Variants in FAM184A observed in about 807,000 individuals in gnomAD.
FAM184A encodes the protein protein FAM184A.
Under a neutral mutation model 143.8 loss-of-function variants are expected in FAM184A, and 99 were observed. The ratio of observed to expected loss-of-function variants is 0.69; its 90% CI spans 0.58 to 0.81. The LOEUF is 0.81. FAM184A is among the 40% of genes least tolerant of loss of function. FAM184A has a pLI of 0.00. For synonymous variants in FAM184A, 427 were observed against 446.4 expected (o/e 0.96, Z 0.55); for missense variants, 1,217 against 1,310.5 (o/e 0.93, Z 1.10).
intron 1 of FAM184A, among the ~76,000 whole-genome samples, chr6:119,110,790 C>T (rs1788911563): frequency 6.6e-6 from 1 of 152,242 alleles, no homozygotes; most frequent in South Asian, 2.1e-4. Context: ...CACACAAATG[C>T]TTCCAGCATT....
intron 12 of FAM184A, 146 bp downstream of exon 12, chr6:118,975,771 T>C: frequency 1.2e-6 from 1 of 821,628 alleles, no homozygotes; most frequent in Non-Finnish European, 1.8e-6. Context: ...AATAAATAAA[T>C]AACTGAATCA....
At position 119,078,082 on chromosome 6, in the gene FAM184A, A is replaced by C; in HGVS notation, c.159+59T>G. On this transcript the variant is annotated intron_variant, in intron 1 of 17. Transcript: ENST00000338891. The surrounding 1 kb of genome is among the most constrained non-coding windows in gnomAD (Gnocchi z 5.5). ...AGGGCGCACTGCCTCCCGGGGAGAC[A>C]GGTGAGTCCGGCGCGGCCCGCACGG... 6.5e-7 allele frequency: 1 copy of C among 1,528,068 alleles called. No individual in the cohort carries two copies. Among genetic ancestry groups the C allele is most frequent in the East Asian group, 2.5e-5 (1 of 40,448 alleles). The allele number at this position is 1,528,068 out of a possible 1,614,324, so 94.7% of individuals were successfully genotyped here.
intron 1 of FAM184A, among the ~76,000 whole-genome samples, chr6:119,103,782 C>T (rs1271528735): frequency 2.0e-5 from 3 of 151,826 alleles, no homozygotes; most frequent in Non-Finnish European, 1.5e-5. Context: ...CAAAAATTAG[C>T]CAGGCATGGT....
At position 119,025,003 on chromosome 6, in the gene FAM184A, T is replaced by C. The variant is rs568178956; in HGVS notation, c.160-190A>G. Among the ~76,000 whole-genome samples, 13 of 152,370 alleles carry C rather than the reference T, an allele frequency of 8.5e-5. No homozygotes were observed. The South Asian group carries it at 2.7e-3, about 32-fold the overall frequency. The stretch of plus-strand genomic sequence containing the variant: ...TGATTTGCTTAGCAAATTTCTATCT[T>C]AGCACAGTCTTAAGATTTGTATTTA... On this transcript the variant is annotated intron_variant, in intron 1 of 17. Transcript: ENST00000338891.
Position 118,975,980 on chromosome 6 carries a change from A to G in FAM184A, c.2520T>C (p.His840=). ...AAAIDLLRHN[H]HQELAAAKME... is the part of the protein sequence containing the mutation. ...TTTTAGCAGCTGCCAATTCTTGATG[A>G]TGATTATGCCGTAACAAATCAATTG... The change falls in exon 12 of 18, where the codon CAT becomes CAC. Residue 840 remains histidine, a synonymous_variant. Transcript: ENST00000338891. 1 of 1,613,590 alleles carries G rather than the reference A, an allele frequency of 6.2e-7. No homozygotes were observed. Among genetic ancestry groups the G allele is most frequent in the Non-Finnish European group, 8.5e-7 (1 of 1,179,890 alleles).
chr6:119,069,633 G>A (rs938515893), intron 1 of FAM184A, among the ~76,000 whole-genome samples: 3 of 152,098 alleles, frequency 2.0e-5, no homozygotes, highest in Non-Finnish European at 4.4e-5. Context: ...AGCATTCATG[G>A]ATTTGGCCTA....
In FAM184A at chr6:119,035,795, C is replaced by T. The variant is rs150150325; in HGVS notation, c.160-10982G>A. On this transcript the variant is annotated intron_variant, in intron 1 of 17. Transcript: ENST00000338891. ...TCCACCTATGACCAGAAACCCCCACCCTGTCACCCTCCTTTCAAGTTGTCG... is the reference window on the plus strand; with the variant it reads ...TCCACCTATGACCAGAAACCCCCACTCTGTCACCCTCCTTTCAAGTTGTCG... Among the ~76,000 whole-genome samples, 216 of 152,246 alleles carry T rather than the reference C, an allele frequency of 1.4e-3. 1 individual carries two copies. Among genetic ancestry groups the T allele is most frequent in the Non-Finnish European group, 2.3e-3 (158 of 68,010 alleles).
At chr6:119,010,978 G>A (rs1368100553) in intron 6 of FAM184A, among the ~76,000 whole-genome samples, 1 of 152,056 alleles carries the variant, frequency 6.6e-6, no homozygotes, top group Non-Finnish European at 1.5e-5. Context: ...AGTTTCTGTT[G>A]AAATTGTAGA....
rs1785545861 is a variant in FAM184A, at chr6:119,024,023, C to T, written c.950G>A (p.Gly317Glu). The change falls in exon 2 of 18, where the codon GGA becomes GAA. Residue 317 changes from glycine to glutamate, a missense_variant. Gly to Glu is a moderately conservative substitution (Grantham distance 98). Coordinates refer to ENST00000338891, the MANE Select transcript of FAM184A (RefSeq NM_024581.6). ...CTTTTGGCATTTGTCAAGAAGACTT[C>T]CAGCTTCATCCTGTACCATCTGTAA... The part of the protein sequence containing the change: ...TELQMVQDEA[G>E]SLLDKCQKLQ... 2 of 1,611,518 alleles carry T rather than the reference C, an allele frequency of 1.2e-6. No individual in the cohort carries two copies. Among genetic ancestry groups the T allele is most frequent in the Admixed American group, 1.7e-5 (1 of 59,266 alleles).
chr6:119,087,089 C>T (rs1400222642), intron 1 of FAM184A, among the ~76,000 whole-genome samples: 5 of 152,078 alleles, frequency 3.3e-5, no homozygotes, highest in Non-Finnish European at 7.4e-5. Flanking sequence ...TTTTTTAGGC[C>T]TTCCCAAATT....
chr6:119,019,894 C>G, intron 4 of FAM184A, 84 bp downstream of exon 4: 1 of 1,260,514 alleles, frequency 7.9e-7, no homozygotes, highest in East Asian at 2.5e-5. Flanking sequence ...TGGGGAGTAG[C>G]AAGAAATACT....
At chr6:119,042,013 A>C (rs1051816210) in intron 1 of FAM184A, among the ~76,000 whole-genome samples, 8 of 152,128 alleles carry the variant, frequency 5.3e-5, no homozygotes, top group Non-Finnish European at 1.0e-4. Flanking sequence ...CCATCTTGGG[A>C]GCTCTGGGAA....
chr6:119,077,297 A>T (rs190861966), intron 1 of FAM184A, among the ~76,000 whole-genome samples: 1 of 152,304 alleles, frequency 6.6e-6, no homozygotes, highest in Admixed American at 6.5e-5. Context: ...GAGACAGCTT[A>T]AACACATTAA....
At chr6:118,988,867 C>T (rs1379873091) in intron 9 of FAM184A, among the ~76,000 whole-genome samples, 1 of 150,948 alleles carries the variant, frequency 6.6e-6, no homozygotes, top group Non-Finnish European at 1.5e-5. Context: ...ATATTTTTAC[C>T]TTCCAAAAAT....
At chr6:119,133,205 T>C (rs1235923093) in intron 1 of FAM184A, among the ~76,000 whole-genome samples, 1 of 152,240 alleles carries the variant, frequency 6.6e-6, no homozygotes, top group Non-Finnish European at 1.5e-5. Flanking sequence ...TAAGTTCTAC[T>C]AGTTGGTTGT....
chr6:118,961,639 A>G, intron 17 of FAM184A, 122 bp downstream of exon 17: 1 of 846,246 alleles, frequency 1.2e-6, no homozygotes, highest in Non-Finnish European at 1.9e-6. Flanking sequence ...TATACTTTGA[A>G]GAAAATATTT....
chr6:119,034,283 T>A (rs1168915919), intron 1 of FAM184A, among the ~76,000 whole-genome samples: 1 of 151,654 alleles, frequency 6.6e-6, no homozygotes, highest in African/African-American at 2.4e-5. Context: ...TATATACATA[T>A]GCATGAATTT....
intron 1 of FAM184A, among the ~76,000 whole-genome samples, chr6:119,049,299 T>C (rs758486610): frequency 3.2e-4 from 48 of 152,152 alleles, no homozygotes; most frequent in Admixed American, 1.8e-3. Flanking sequence ...AATACAAAAA[T>C]TACCCGGGCG....
chr6:119,103,252 A>C (rs1165940619), intron 1 of FAM184A, among the ~76,000 whole-genome samples: 1 of 152,246 alleles, frequency 6.6e-6, no homozygotes, highest in African/African-American at 2.4e-5. Flanking sequence ...TGATGAGTGT[A>C]GAGTGGAAAG....
Sources: allele counts gnomAD v4.1 joint callset (sites outside exome capture counted in the v4.1 genomes callset), GRCh38; gene constraint gnomAD v4.1.1; non-coding constraint Gnocchi (gnomAD v3.1); transcripts MANE v1.5; gene names NCBI Gene and HGNC (gene_info 2026-07-23, HGNC 2026-07-21).